MRPL1: variants seen among roughly 807,000 people sequenced by gnomAD.
The protein encoded by MRPL1 is large ribosomal subunit protein uL1m.
Under a neutral mutation model 38.0 loss-of-function variants are expected in MRPL1, and 28 were observed. The ratio of observed to expected loss-of-function variants is 0.74; its 90% CI spans 0.55 to 1.01. The LOEUF (loss-of-function observed/expected upper bound fraction) is 1.01. Among genes scored for constraint, MRPL1 ranks in the 50% least tolerant of loss-of-function variants. The pLI is 0.00. For missense variants in MRPL1, 358 were observed against 389.8 expected, an observed-to-expected ratio of 0.92 and a Z score of 0.69; for synonymous variants, 123 against 126.7, an observed-to-expected ratio of 0.97 and a Z score of 0.20.
At chr4:77,949,970 A>G (rs1268417566) in intron 8 of MRPL1, 92 bp downstream of exon 8, 8 of 615,788 alleles carry the variant, frequency 1.3e-5, no homozygotes, top group African/African-American at 7.6e-5. Flanking sequence ...ACATGCAAGT[A>G]TAATAGCAAA....
chr4:77,863,049 G>C (rs1236461259), intron 1 of MRPL1, 170 bp downstream of exon 1: 2 of 764,724 alleles, frequency 2.6e-6, no homozygotes, highest in Admixed American at 2.9e-5. Context: ...CCTTATGAAG[G>C]GTTTCACTCC....
intron 6 of MRPL1, among the ~76,000 whole-genome samples, chr4:77,899,232 C>T (rs1197546445): frequency 1.3e-5 from 2 of 149,684 alleles, no homozygotes; most frequent in African/African-American, 4.9e-5. Context: ...GTCTTGAACT[C>T]ATGAGCTCAA....
At chr4:77,883,624 C>G (rs1316819072) in intron 3 of MRPL1, 124 bp downstream of exon 3, 4 of 1,003,568 alleles carry the variant, frequency 4.0e-6, no homozygotes, top group African/African-American at 3.3e-5. Flanking sequence ...GTTGCCCAGG[C>G]TGGAGTGCGG....
intron 1 of MRPL1, 74 bp downstream of exon 1, chr4:77,862,953 G>A: frequency 1.3e-5 from 20 of 1,572,660 alleles, no homozygotes; most frequent in Non-Finnish European, 1.7e-5. Flanking sequence ...GTGCAAGGCG[G>A]ATTCTGCTCT....
At chr4:77,926,921 T>G (rs1423299569) in intron 7 of MRPL1, among the ~76,000 whole-genome samples, 3 of 152,166 alleles carry the variant, frequency 2.0e-5, no homozygotes, top group Admixed American at 2.0e-4. Context: ...TAACTTGTTT[T>G]TGATGCTTGT....
chr4:77,894,408 C>T (rs7674271), intron 6 of MRPL1, among the ~76,000 whole-genome samples, 158 bp downstream of exon 6: 10,677 of 151,986 alleles, frequency 0.07, 593 homozygotes, highest in African/African-American at 0.15. Context: ...TTTTTTCCCC[C>T]GCTTTGGCAT....
chr4:77,894,337 C>A, intron 6 of MRPL1, 87 bp downstream of exon 6: 1 of 794,858 alleles, frequency 1.3e-6, no homozygotes, highest in Non-Finnish European at 2.1e-6. Context: ...TTCATGTATG[C>A]GTAGAATAAA....
chr4:77,876,117 C>T (rs562715455), intron 2 of MRPL1, among the ~76,000 whole-genome samples: 46 of 152,148 alleles, frequency 3.0e-4, no homozygotes, highest in Non-Finnish European at 1.9e-4. Context: ...GGATTACAGG[C>T]GTGCACCACC....
At chr4:77,913,419 G>A (rs150335494) in intron 7 of MRPL1, among the ~76,000 whole-genome samples, 1 of 152,224 alleles carries the variant, frequency 6.6e-6, no homozygotes, top group East Asian at 1.9e-4. Flanking sequence ...TTAATCTTTA[G>A]GAAATGTAAA....
At chr4:77,885,719 C>T (rs559470767) in intron 4 of MRPL1, among the ~76,000 whole-genome samples, 3 of 152,294 alleles carry the variant, frequency 2.0e-5, no homozygotes, top group Admixed American at 2.0e-4. Flanking sequence ...ATTAACCAAT[C>T]ATTAGCACCC....
intron 1 of MRPL1, among the ~76,000 whole-genome samples, chr4:77,863,231 T>G (rs1735044472): frequency 6.6e-6 from 1 of 152,042 alleles, no homozygotes; most frequent in Non-Finnish European, 1.5e-5. Context: ...AGATGATGTA[T>G]TTGAGTGGCT....
Position 77,952,703 on chromosome 4 carries a change from T to G in MRPL1, c.*96T>G. The G allele has an allele frequency of 1.3e-6, 1 of 746,772 alleles. No homozygotes were observed. The highest frequency in any genetic ancestry group is 2.2e-6 in the Non-Finnish European group (1 of 455,424). 46.3% of individuals were successfully genotyped at this position (746,772 alleles called of 1,614,324 possible). On this transcript the variant is annotated 3_prime_UTR_variant, in exon 9 of 9. Transcript: ENST00000315567. ...TTTACATTTGATGTCTTGTTATTGA[T>G]CATACTTGAAAGTGAACTTTAACAT...
intron 7 of MRPL1, among the ~76,000 whole-genome samples, chr4:77,925,243 A>G (rs966405364): frequency 1.3e-5 from 2 of 152,204 alleles, no homozygotes; most frequent in South Asian, 2.1e-4. Context: ...AATGAAATAT[A>G]TATGTTTAAT....
At chr4:77,878,870 T>A (rs2110232915) in intron 2 of MRPL1, among the ~76,000 whole-genome samples, 1 of 152,230 alleles carries the variant, frequency 6.6e-6, no homozygotes, top group South Asian at 2.1e-4. Context: ...AGAGCGAGAC[T>A]CCGTCTTAAA....
At chr4:77,895,724 T>C (rs560654062) in intron 6 of MRPL1, among the ~76,000 whole-genome samples, 1 of 152,244 alleles carries the variant, frequency 6.6e-6, no homozygotes, top group Admixed American at 6.5e-5. Context: ...TCCAGTTCTT[T>C]TGTTGTGTTA....
rs562532051 is a variant in MRPL1, at chr4:77,938,681, T to G, written c.778-11116T>G. On this transcript the variant is annotated intron_variant, in intron 7 of 8. Coordinates refer to ENST00000315567, the MANE Select transcript of MRPL1 (RefSeq NM_020236.4). ...TGACAAATCAGGAGTTCTGAGGACA[T>G]TGGCCCCACAGCCCTCAGTCTGTTA... 6.6e-5 allele frequency among the ~76,000 whole-genome samples: 10 copies of G among 152,302 alleles called. No individual in the cohort carries two copies. In the East Asian group the frequency reaches 1.5e-3, roughly 24 times the overall value.
intron 7 of MRPL1, among the ~76,000 whole-genome samples, chr4:77,921,201 C>T (rs924563821): frequency 6.6e-6 from 1 of 152,192 alleles, no homozygotes; most frequent in South Asian, 2.1e-4. Flanking sequence ...ACAAAGTACA[C>T]ATGTACACAC....
At chr4:77,873,722 A>AT (rs1194494450) in intron 2 of MRPL1, among the ~76,000 whole-genome samples, 1 of 152,142 alleles carries the variant, frequency 6.6e-6, no homozygotes, top group Non-Finnish European at 1.5e-5. Flanking sequence ...TGTCTTTGAG[A>AT]TTTTCACAGT....
Position 77,901,129 on chromosome 4 carries a change from G to A in MRPL1, c.670+6879G>A, listed in dbSNP as rs563226277. On this transcript the variant is annotated intron_variant, in intron 6 of 8. Coordinates refer to ENST00000315567, the MANE Select transcript of MRPL1 (RefSeq NM_020236.4). Reference sequence around the variant, plus strand: ...GACAATAATATCACAAGGTGAAGGGGTCAAGGAGGTAGATAAGCTGGCGCA... The same window carrying A: ...GACAATAATATCACAAGGTGAAGGGATCAAGGAGGTAGATAAGCTGGCGCA... Among the ~76,000 whole-genome samples, 28 of 152,222 alleles carry A rather than the reference G, an allele frequency of 1.8e-4. 1 individual carries two copies. The South Asian group carries it at 5.6e-3, about 31-fold the overall frequency.
Sources: allele counts gnomAD v4.1 joint callset (sites outside exome capture counted in the v4.1 genomes callset), GRCh38; gene constraint gnomAD v4.1.1; transcripts MANE v1.5; gene names NCBI Gene and HGNC (gene_info 2026-07-23, HGNC 2026-07-21).